Variants in LUZP2 observed in about 807,000 individuals in gnomAD.
LUZP2 encodes the protein leucine zipper protein 2.
A neutral mutation model predicts 51.6 loss-of-function variants in LUZP2; 52 were observed. The observed-to-expected ratio is 1.01, with a 90% CI of 0.81 to 1.27. The LOEUF (loss-of-function observed/expected upper bound fraction) is 1.27. Ranked by LOEUF, LUZP2 falls within the 50% of genes most tolerant of loss-of-function variation. The pLI, the probability that LUZP2 is intolerant of heterozygous loss-of-function variation, is 0.00. For synonymous variants in LUZP2, 154 were observed against 137.3 expected, an observed-to-expected ratio of 1.12 and a Z score of -0.85; for missense variants, 436 against 395.4, an observed-to-expected ratio of 1.10 and a Z score of -0.87.
intron 8 of LUZP2, among the ~76,000 whole-genome samples, chr11:24,979,330 A>G (rs567316231): frequency 1.3e-4 from 19 of 151,898 alleles, no homozygotes; most frequent in Non-Finnish European, 1.9e-4. Context: ...TGTAAGATAC[A>G]TATGAGGTTC....
At chr11:24,831,842 C>T (rs1375494612) in intron 5 of LUZP2, 1 of 152,436 alleles carries the variant, frequency 6.6e-6, no homozygotes, top group African/African-American at 2.4e-5. Flanking sequence ...TGCTAAGGGA[C>T]TATTTGTAAT....
In LUZP2 at chr11:24,971,790, G is replaced by T. The variant is rs374930595; in HGVS notation, c.523-4801G>T. 2.5e-4 allele frequency among the ~76,000 whole-genome samples: 38 copies of T among 151,916 alleles called. No individual in the cohort carries two copies. The South Asian group carries it at 7.9e-3, about 32-fold the overall frequency. On this transcript the variant is annotated intron_variant, in intron 7 of 11. Coordinates refer to ENST00000336930, the MANE Select transcript of LUZP2 (RefSeq NM_001009909.4). Reference sequence around the variant, plus strand: ...TTTCTTATTCTTTTTGTCAACTCTGGTTTCCCAAGATCTCTTGGCTGGATT... The same window carrying T: ...TTTCTTATTCTTTTTGTCAACTCTGTTTTCCCAAGATCTCTTGGCTGGATT...
chr11:24,584,004 G>C (rs375289169), intron 1 of LUZP2, among the ~76,000 whole-genome samples: 1 of 151,792 alleles, frequency 6.6e-6, no homozygotes, highest in African/African-American at 2.4e-5. Flanking sequence ...GAGCCACCGC[G>C]CCTGACCTAC....
intron 5 of LUZP2, among the ~76,000 whole-genome samples, chr11:24,833,233 G>A (rs1850751383): frequency 6.6e-6 from 1 of 152,154 alleles, no homozygotes; most frequent in African/African-American, 2.4e-5. Flanking sequence ...GAACTCTGCT[G>A]TAAACTGATT....
At chr11:24,687,053 A>G (rs563050744) in intron 1 of LUZP2, among the ~76,000 whole-genome samples, 41 of 152,316 alleles carry the variant, frequency 2.7e-4, no homozygotes, top group African/African-American at 9.6e-4. Flanking sequence ...TTATTAGGAA[A>G]GAGAAGAAAA....
At chr11:24,904,527 C>T (rs1397236095) in intron 5 of LUZP2, among the ~76,000 whole-genome samples, 1 of 152,182 alleles carries the variant, frequency 6.6e-6, no homozygotes, top group Non-Finnish European at 1.5e-5. Context: ...TCGTGATCCA[C>T]CCGCCTCAGC....
At chr11:24,525,302 G>A (rs1850764684) in intron 1 of LUZP2, among the ~76,000 whole-genome samples, 1 of 151,640 alleles carries the variant, frequency 6.6e-6, no homozygotes, top group African/African-American at 2.4e-5. Flanking sequence ...GCCACATTTT[G>A]TTTACAAAGG....
chr11:24,999,435 A>G (rs912038768), intron 9 of LUZP2, among the ~76,000 whole-genome samples: 6 of 151,040 alleles, frequency 4.0e-5, no homozygotes, highest in Admixed American at 6.6e-5. Flanking sequence ...AGGAGGAGGA[A>G]GAAGGAGGAG....
intron 1 of LUZP2, among the ~76,000 whole-genome samples, chr11:24,663,371 C>T (rs1040498097): frequency 6.6e-6 from 1 of 152,150 alleles, no homozygotes; most frequent in Non-Finnish European, 1.5e-5. Context: ...TTGCCTTCCA[C>T]CATGACTGCA....
chr11:24,684,601 G>A (rs1193590698), intron 1 of LUZP2, among the ~76,000 whole-genome samples: 2 of 152,178 alleles, frequency 1.3e-5, no homozygotes, highest in Non-Finnish European at 2.9e-5. Context: ...CCAAAGGAAC[G>A]GTGCTCAATC....
intron 1 of LUZP2, among the ~76,000 whole-genome samples, chr11:24,580,639 AT>A (rs913507786): frequency 3.3e-5 from 5 of 152,044 alleles, no homozygotes; most frequent in African/African-American, 4.8e-5. Context: ...AATAATTTGC[AT>A]TTTTTTGCAA....
chr11:24,538,294 A>C (rs899507955), intron 1 of LUZP2, among the ~76,000 whole-genome samples: 3 of 151,854 alleles, frequency 2.0e-5, no homozygotes, highest in Non-Finnish European at 2.9e-5. Flanking sequence ...ATATCACACT[A>C]TATTAAAAAT....
At chr11:24,579,418 G>A (rs1852771504) in intron 1 of LUZP2, among the ~76,000 whole-genome samples, 3 of 152,106 alleles carry the variant, frequency 2.0e-5, no homozygotes, top group Admixed American at 1.3e-4. Flanking sequence ...TACTACTATA[G>A]CAATTTTTAT....
chr11:24,914,260 T>C (rs760989922), intron 6 of LUZP2, among the ~76,000 whole-genome samples: 60 of 152,154 alleles, frequency 3.9e-4, no homozygotes, highest in Non-Finnish European at 8.7e-4. Flanking sequence ...TTAAATAACA[T>C]GTTTTAAACA....
At chr11:24,710,465 G>A (rs1590380915) in intron 1 of LUZP2, among the ~76,000 whole-genome samples, 1 of 152,206 alleles carries the variant, frequency 6.6e-6, no homozygotes, top group African/African-American at 2.4e-5. Flanking sequence ...CTAGTGAAAT[G>A]GGTTTCTGTA....
intron 8 of LUZP2, among the ~76,000 whole-genome samples, chr11:24,980,623 A>G (rs995980372): frequency 2.0e-5 from 3 of 151,848 alleles, no homozygotes; most frequent in African/African-American, 7.2e-5. Flanking sequence ...AACATTAAAC[A>G]TAAAAACAAC....
At chr11:24,848,948 G>A (rs1383575360) in intron 5 of LUZP2, among the ~76,000 whole-genome samples, 1 of 151,882 alleles carries the variant, frequency 6.6e-6, no homozygotes, top group African/African-American at 2.4e-5. Flanking sequence ...AATAATTAAG[G>A]CCATATATGA....
intron 9 of LUZP2, among the ~76,000 whole-genome samples, chr11:25,039,227 C>T (rs1857961512): frequency 6.6e-6 from 1 of 152,138 alleles, no homozygotes; most frequent in Non-Finnish European, 1.5e-5. Flanking sequence ...ATTCTAGGAC[C>T]TGTTTGCAGC....
chr11:24,513,415 A>G (rs2133781616), intron 1 of LUZP2, among the ~76,000 whole-genome samples: 1 of 151,508 alleles, frequency 6.6e-6, no homozygotes, highest in East Asian at 1.9e-4. Context: ...ATCAGCATCA[A>G]GAGAACGATA....
Sources: gnomAD v4.1 joint callset for allele counts (sites outside exome capture counted in the v4.1 genomes callset) on GRCh38, gnomAD v4.1.1 for gene constraint, MANE v1.5 for transcripts, NCBI Gene and HGNC (gene_info 2026-07-23, HGNC 2026-07-21) for gene names.